HMGB3: variants seen among roughly 807,000 people sequenced by gnomAD.
HMGB3 encodes the protein high mobility group protein B3.
In HMGB3, 1 loss-of-function variant was observed where a neutral mutation model predicts 12.9. The ratio of observed to expected loss-of-function variants is 0.08; its 90% CI spans 0.03 to 0.37. The LOEUF is 0.37. Ranked by LOEUF, HMGB3 falls within the 10% of genes least tolerant of loss-of-function variation. The pLI, the probability that HMGB3 is intolerant of heterozygous loss-of-function variation, is 0.99. For missense variants in HMGB3, 74 were observed against 153.3 expected, an observed-to-expected ratio of 0.48 and a Z score of 2.73; for synonymous variants, 61 against 53.9, an observed-to-expected ratio of 1.13 and a Z score of -0.57.
chrX:150,982,356 C>T (rs782408229), upstream of HMGB3, among the ~76,000 whole-genome samples: 1 of 111,900 alleles, frequency 8.9e-6, no homozygotes, highest in African/African-American at 3.2e-5. Context: ...CTTTGAAAAA[C>T]ATTGCCTGAA....
rs2048074228 is a variant in HMGB3, at chrX:150,988,156, A to G, written c.*242A>G. The G allele has an allele frequency of 3.1e-6, 1 of 321,478 alleles. No homozygotes were observed. The highest frequency in any genetic ancestry group is 4.5e-5 in the East Asian group (1 of 22,390). The allele number at this position is 321,478 out of a possible 1,213,427, so 26.5% of individuals were successfully genotyped here. A position where few individuals can be genotyped will look rare whatever the true frequency, so the allele number is the denominator to read the frequency against. ...GTACATATTTCCAAACATTTTTAAA[A>G]TGAAAAGGCACTCTCGTGTTCTCCT... On this transcript the variant is annotated 3_prime_UTR_variant, in exon 5 of 5. Coordinates refer to ENST00000325307, the MANE Select transcript of HMGB3 (RefSeq NM_005342.4).
rs1451450972 is a variant in HMGB3 at position 150,987,021 on chromosome X, G to A, written c.291-107G>A. 3 of 554,450 alleles carry A rather than the reference G, an allele frequency of 5.4e-6. No individual in the cohort carries two copies. In the African/African-American group the frequency reaches 7.0e-5, roughly 13 times the overall value. The allele number at this position is 554,450 out of a possible 1,213,427, so 45.7% of individuals were successfully genotyped here. On this transcript the variant is annotated intron_variant, in intron 3 of 4. Transcript: ENST00000325307. ...TGGTATCATAGATTACTTCACTTTA[G>A]GGAGAAGTCATAGTGGTAGGAGGGA...
intron 1 of HMGB3, chrX:150,984,515 C>T (rs1174033213): frequency 8.7e-5 from 29 of 333,385 alleles, no homozygotes; most frequent in African/African-American, 6.3e-4. Context: ...GCCGCACACC[C>T]CCCGCGCACC....
Position 150,985,891 on chromosome X carries a change from T to C in HMGB3, c.150+142T>C. On this transcript the variant is annotated intron_variant, in intron 2 of 4. Coordinates refer to ENST00000325307, the MANE Select transcript of HMGB3 (RefSeq NM_005342.4). ...ATCATTTTTGCTTGTCTTAAGAATTTTGTGTGTGTGCTTTTATTTTTTTAA... is the reference window on the plus strand; with the variant it reads ...ATCATTTTTGCTTGTCTTAAGAATTCTGTGTGTGTGCTTTTATTTTTTTAA... 7.3e-6 allele frequency: 6 copies of C among 822,707 alleles called. No homozygotes were observed. The South Asian group carries it at 1.0e-4, about 14-fold the overall frequency. The allele number at this position is 822,707 out of a possible 1,213,427, so 67.8% of individuals were successfully genotyped here.
chrX:150,983,504 C>T, intron 1 of HMGB3, 128 bp downstream of exon 1: 1 of 732,851 alleles, frequency 1.4e-6, no homozygotes, highest in Non-Finnish European at 1.6e-6. Flanking sequence ...GCCCTGCCGC[C>T]GCCTCCCCCT....
At chrX:150,984,495 C>A (rs1262379307) in intron 1 of HMGB3, 1 of 193,193 alleles carries the variant, frequency 5.2e-6, no homozygotes, top group African/African-American at 3.1e-5. Flanking sequence ...CCGCGGCTGC[C>A]GCCGGCCCGG....
rs1557425288 is a variant in HMGB3 at position 150,987,816 on chromosome X, G to A, written c.505G>A (p.Ala169Thr). 5.0e-6 allele frequency: 6 copies of A among 1,205,588 alleles called. No homozygotes were observed. Among genetic ancestry groups the A allele is most frequent in the Non-Finnish European group, 6.7e-6 (6 of 894,035 alleles). Reference protein sequence around the residue: ...DYKSKGKFDGAKGPAKVARKK... With the variant: ...DYKSKGKFDGTKGPAKVARKK... ...TAAGTCGAAAGGAAAGTTTGATGGT[G>A]CAAAGGGTCCTGCTAAAGTTGCCCG... Residue 169 changes from alanine (A) to threonine (T), a missense_variant, in exon 5 of 5, where the codon GCA (alanine) becomes ACA (threonine). By Grantham distance (58) the Ala-to-Thr change is moderately conservative. This residue lies in a region of HMGB3 where 29 missense variants were observed against 29.5 expected (regional missense o/e 0.98). Transcript: ENST00000325307.
At chrX:150,985,882 T>G in intron 2 of HMGB3, 133 bp downstream of exon 2, 1 of 842,561 alleles carries the variant, frequency 1.2e-6, no homozygotes, top group Non-Finnish European at 1.7e-6. Context: ...TTTGCTTGTC[T>G]TAAGAATTTT....
chrX:150,988,336 C>T lies in HMGB3; in HGVS notation c.*422C>T, dbSNP rs2048076229. ...ATAGTTTGTAAAAAGAACAAAACAA[C>T]CGAGACAAACCCTTGATGCTCCTTG... On this transcript the variant is annotated 3_prime_UTR_variant, in exon 5 of 5. Transcript: ENST00000325307. The T allele has an allele frequency of 8.6e-6, 1 of 115,637 alleles. No individual in the cohort carries two copies. Among genetic ancestry groups the T allele is most frequent in the Non-Finnish European group, 1.8e-5 (1 of 55,525 alleles). The allele number at this position is 115,637 out of a possible 1,213,427, so 9.5% of individuals were successfully genotyped here.
intron 2 of HMGB3, 77 bp downstream of exon 2, chrX:150,985,826 C>T: frequency 1.1e-6 from 1 of 934,712 alleles, no homozygotes; most frequent in Non-Finnish European, 1.5e-6. Context: ...CAGATTTTCT[C>T]CCAGATAGCT....
At chrX:150,981,747 C>T (rs782791929), upstream of HMGB3, among the ~76,000 whole-genome samples, 11 of 111,509 alleles carry the variant, frequency 9.9e-5, no homozygotes, top group East Asian at 2.8e-4. Context: ...TGAGCCACCG[C>T]GCTTGGCCTC....
At chrX:150,983,952 C>T (rs1557425159) in intron 1 of HMGB3, among the ~76,000 whole-genome samples, 1 of 104,851 alleles carries the variant, frequency 9.5e-6, no homozygotes, top group African/African-American at 3.4e-5. Context: ...CCGCAGGCTA[C>T]GCCGCTGGCT....
At position 150,988,610 on chromosome X, in the gene HMGB3, A is replaced by G. The variant is rs2048080314; in HGVS notation, c.*696A>G. 8.9e-6 allele frequency: 1 copy of G among 112,168 alleles called. No homozygotes were observed. Among genetic ancestry groups the G allele is most frequent in the African/African-American group, 3.3e-5 (1 of 30,757 alleles). 9.2% of individuals were successfully genotyped at this position (112,168 alleles called of 1,213,427 possible). On this transcript the variant is annotated 3_prime_UTR_variant, in exon 5 of 5. Coordinates refer to ENST00000325307, the MANE Select transcript of HMGB3 (RefSeq NM_005342.4). The stretch of plus-strand genomic sequence containing the variant: ...AACTGTTTGTTTTTAAACAAACTAT[A>G]GAACTCTTCATTGTCAGCAAAGCAA...
At chrX:150,985,094 C>T (rs1557425199) in intron 1 of HMGB3, among the ~76,000 whole-genome samples, 2 of 111,446 alleles carry the variant, frequency 1.8e-5, no homozygotes, top group African/African-American at 6.5e-5. Context: ...GTGACAATTT[C>T]AGATGTCCCC....
chrX:150,986,261 C>T, intron 3 of HMGB3, 71 bp downstream of exon 3: 4 of 849,091 alleles, frequency 4.7e-6, no homozygotes, highest in Middle Eastern at 3.0e-4. Flanking sequence ...GTTTTTTGGT[C>T]GTCCTGTATT....
Position 150,987,948 on chromosome X carries a change from A to ATC in HMGB3, c.*34_*35insTC. 8.6e-7 allele frequency: 1 copy of ATC among 1,167,615 alleles called. No homozygotes were observed. The highest frequency in any genetic ancestry group is 1.1e-6 in the Non-Finnish European group (1 of 878,490). ...TTTATCTGTCTCCTTGTGAATACTT[A>ATC]GAGTAGGGGAGCGCCGTAATTGACA... On this transcript the variant is annotated 3_prime_UTR_variant, in exon 5 of 5. Transcript: ENST00000325307.
At position 150,988,166 on chromosome X, in the gene HMGB3, ACT is replaced by A. The variant is rs1256229485; in HGVS notation, c.*256_*257del. ...CCAAACATTTTTAAAATGAAAAGGC[ACT>A]CTCGTGTTCTCCTCACTCTGTGCAC... On this transcript the variant is annotated 3_prime_UTR_variant, in exon 5 of 5. Coordinates refer to ENST00000325307, the MANE Select transcript of HMGB3 (RefSeq NM_005342.4). 6.6e-5 allele frequency: 20 copies of A among 304,034 alleles called. No individual in the cohort carries two copies. The highest frequency in any genetic ancestry group is 5.2e-4 in the South Asian group (5 of 9,595). 25.1% of individuals were successfully genotyped at this position (304,034 alleles called of 1,213,427 possible).
In HMGB3 at chrX:150,988,291, GTT is replaced by G. The variant is rs1368583251; in HGVS notation, c.*380_*381del. The stretch of plus-strand genomic sequence containing the variant: ...TATGGTTATTGGCTAGAAATCCTGA[GTT>G]TTCAACTGTATATATCTATAGTTTG... On this transcript the variant is annotated 3_prime_UTR_variant, in exon 5 of 5. Transcript: ENST00000325307. The G allele has an allele frequency of 5.3e-5, 7 of 133,068 alleles. No individual in the cohort carries two copies. The highest frequency in any genetic ancestry group is 1.1e-4 in the Non-Finnish European group (7 of 66,122). 11.0% of individuals were successfully genotyped at this position (133,068 alleles called of 1,213,427 possible).
rs1324032354 is a variant in HMGB3, at chrX:150,989,303, A to G, written c.*1389A>G. Reference sequence around the variant, plus strand: ...GTGGGATGGGGTGGTGGGGTAGGGGACGGTATCCTTTTTTTGCTCCTACTT... The same window carrying G: ...GTGGGATGGGGTGGTGGGGTAGGGGGCGGTATCCTTTTTTTGCTCCTACTT... On this transcript the variant is annotated 3_prime_UTR_variant, in exon 5 of 5. Coordinates refer to ENST00000325307, the MANE Select transcript of HMGB3 (RefSeq NM_005342.4). 1 of 110,474 alleles carries G rather than the reference A, an allele frequency of 9.1e-6. No homozygotes were observed. The highest frequency in any genetic ancestry group is 1.9e-5 in the Non-Finnish European group (1 of 52,871). 9.1% of individuals were successfully genotyped at this position (110,474 alleles called of 1,213,427 possible).
Sources: allele counts gnomAD v4.1 joint callset (sites outside exome capture counted in the v4.1 genomes callset), GRCh38; gene constraint gnomAD v4.1.1; regional missense constraint gnomAD v4.1.1; transcripts MANE v1.5; gene names NCBI Gene and HGNC (gene_info 2026-07-23, HGNC 2026-07-21).